The following RNGTT variants were observed in gnomAD, a reference collection of about 807,000 sequenced individuals.
RNGTT encodes mRNA-capping enzyme.
Under a neutral mutation model 79.3 loss-of-function variants are expected in RNGTT, and 33 were observed. The ratio of observed to expected loss-of-function variants is 0.42; its 90% CI spans 0.32 to 0.56. The LOEUF (loss-of-function observed/expected upper bound fraction) is 0.56. Ranked by LOEUF, RNGTT falls within the 20% of genes least tolerant of loss-of-function variation. RNGTT has a pLI of 0.17. For missense variants in RNGTT, 497 were observed against 739.1 expected (o/e 0.67, Z 3.80); for synonymous variants, 222 against 235.9 (o/e 0.94, Z 0.54).
At chr6:88,707,968 C>G (rs141814230) in intron 13 of RNGTT, among the ~76,000 whole-genome samples, 2 of 151,804 alleles carry the variant, frequency 1.3e-5, no homozygotes, top group Non-Finnish European at 2.9e-5. Flanking sequence ...AAATCAAGAT[C>G]TAAGTAGACA....
chr6:88,708,387 T>C (rs113533638), intron 13 of RNGTT, among the ~76,000 whole-genome samples: 3,468 of 152,280 alleles, frequency 0.023, 40 homozygotes, highest in Middle Eastern at 0.071. Flanking sequence ...CTCTACAAGA[T>C]GACCCCTGAA....
At chr6:88,839,762 T>C (rs900605109) in intron 11 of RNGTT, among the ~76,000 whole-genome samples, 2 of 152,214 alleles carry the variant, frequency 1.3e-5, no homozygotes, top group Non-Finnish European at 2.9e-5. Flanking sequence ...GTTAGTCATA[T>C]ATAGTCTGTT....
intron 8 of RNGTT, among the ~76,000 whole-genome samples, chr6:88,864,205 T>C (rs1384367898): frequency 2.6e-5 from 4 of 152,128 alleles, no homozygotes; most frequent in Non-Finnish European, 5.9e-5. Flanking sequence ...AGGAATTATA[T>C]AGCTACTACA....
intron 12 of RNGTT, among the ~76,000 whole-genome samples, chr6:88,778,565 A>C (rs184345626): frequency 6.6e-6 from 1 of 152,286 alleles, no homozygotes; most frequent in Admixed American, 6.5e-5. Context: ...CAGTCACAGC[A>C]CTGCAGCCTT....
intron 13 of RNGTT, among the ~76,000 whole-genome samples, chr6:88,713,006 G>T (rs1210495224): frequency 6.6e-6 from 1 of 152,090 alleles, no homozygotes; most frequent in Non-Finnish European, 1.5e-5. Context: ...ATTTTGAGTG[G>T]TAACTTTTCC....
intron 11 of RNGTT, among the ~76,000 whole-genome samples, chr6:88,803,920 A>T (rs1779875118): frequency 6.6e-6 from 1 of 152,208 alleles, no homozygotes; most frequent in African/African-American, 2.4e-5. Flanking sequence ...CTCTTTTTAT[A>T]AATCAGAGTA....
intron 12 of RNGTT, among the ~76,000 whole-genome samples, chr6:88,772,624 A>T (rs970534407): frequency 9.5e-6 from 1 of 105,628 alleles, no homozygotes; most frequent in Non-Finnish European, 1.9e-5. Flanking sequence ...ACAAATTTAC[A>T]AGAAAAAAAA....
rs9451068 is a variant in RNGTT at position 88,731,189 on chromosome 6, A to T, written c.1439+38585T>A. ...ATAAAAGCCCCCCCAAAAAAACATA[A>T]AAACAAGGACAAAACAAAAAACAAA... On this transcript the variant is annotated intron_variant, in intron 13 of 15. Coordinates refer to ENST00000369485, the MANE Select transcript of RNGTT (RefSeq NM_003800.5). Among the ~76,000 whole-genome samples, 1,171 of 152,256 alleles carry T rather than the reference A, an allele frequency of 7.7e-3. 8 individuals are homozygous for T. Among genetic ancestry groups the T allele is most frequent in the African/African-American group, 0.026 (1,086 of 41,548 alleles).
intron 1 of RNGTT, among the ~76,000 whole-genome samples, chr6:88,941,819 TA>T (rs1475775728): frequency 1.3e-5 from 2 of 152,114 alleles, no homozygotes; most frequent in African/African-American, 4.8e-5. Context: ...GACAATCAAA[TA>T]TAACAGCAAA....
chr6:88,794,481 T>C (rs78083003), intron 12 of RNGTT, among the ~76,000 whole-genome samples: 1,818 of 152,326 alleles, frequency 0.012, 32 homozygotes, highest in African/African-American at 0.041. Context: ...TTCATTCCTT[T>C]AACAAACAGT....
intron 12 of RNGTT, among the ~76,000 whole-genome samples, chr6:88,791,750 AG>A (rs756990234): frequency 2.0e-5 from 3 of 152,008 alleles, no homozygotes; most frequent in Non-Finnish European, 2.9e-5. Context: ...CACGTTAGCC[AG>A]GATGGTCTCG....
intron 14 of RNGTT, among the ~76,000 whole-genome samples, chr6:88,641,578 T>C (rs891163432): frequency 1.3e-5 from 2 of 152,180 alleles, no homozygotes; most frequent in African/African-American, 2.4e-5. Flanking sequence ...AAAGCAGAAC[T>C]GATTCAGTCA....
chr6:88,655,629 G>A (rs148904536), intron 14 of RNGTT, among the ~76,000 whole-genome samples: 2 of 152,160 alleles, frequency 1.3e-5, no homozygotes, highest in African/African-American at 4.8e-5. Flanking sequence ...CCATATAATG[G>A]TTATAGTCCT....
chr6:88,663,214 C>T (rs115676051), intron 14 of RNGTT, among the ~76,000 whole-genome samples: 1,783 of 152,192 alleles, frequency 0.012, 30 homozygotes, highest in African/African-American at 0.04. Context: ...TAAGCCTACC[C>T]TGTTAGGAAC....
chr6:88,639,998 T>C (rs1773247631), intron 14 of RNGTT, among the ~76,000 whole-genome samples: 1 of 152,176 alleles, frequency 6.6e-6, no homozygotes, highest in Non-Finnish European at 1.5e-5. Context: ...TAGACAGGGC[T>C]AGCTACCCTT....
chr6:88,881,189 T>C (rs1192036916), intron 8 of RNGTT, among the ~76,000 whole-genome samples: 3 of 152,162 alleles, frequency 2.0e-5, no homozygotes, highest in Non-Finnish European at 1.5e-5. Context: ...TTTGGCAGCT[T>C]TCAACAAAAT....
At chr6:88,707,442 C>G (rs1053221730) in intron 13 of RNGTT, among the ~76,000 whole-genome samples, 22 of 152,132 alleles carry the variant, frequency 1.4e-4, no homozygotes, top group Admixed American at 3.9e-4. Flanking sequence ...GGTCTTGAGC[C>G]TTCACCTGAA....
At chr6:88,774,869 T>A (rs765765318) in intron 12 of RNGTT, among the ~76,000 whole-genome samples, 1 of 152,174 alleles carries the variant, frequency 6.6e-6, no homozygotes, top group African/African-American at 2.4e-5. Context: ...TTTGGGATGA[T>A]GAAAAGGTTT....
chr6:88,683,835 C>A (rs1239679582), intron 13 of RNGTT, among the ~76,000 whole-genome samples: 1 of 151,930 alleles, frequency 6.6e-6, no homozygotes, highest in Non-Finnish European at 1.5e-5. Flanking sequence ...GGCAACATAG[C>A]AAGACTTCGT....
Sources: allele counts gnomAD v4.1 joint callset (sites outside exome capture counted in the v4.1 genomes callset), GRCh38; gene constraint gnomAD v4.1.1; transcripts MANE v1.5; gene names NCBI Gene and HGNC (gene_info 2026-07-23, HGNC 2026-07-21).